Variants in ZNF609 observed in about 807,000 individuals in gnomAD.
ZNF609 encodes zinc finger protein 609.
Under a neutral mutation model 109.5 loss-of-function variants are expected in ZNF609, and 11 were observed. The observed-to-expected ratio is 0.10, with a 90% CI of 0.06 to 0.17. ZNF609 has a LOEUF of 0.17. Among genes scored for constraint, ZNF609 ranks in the 10% least tolerant of loss-of-function variants. ZNF609 has a pLI of 1.00. For synonymous variants in ZNF609, 646 were observed against 662.0 expected (o/e 0.98, Z 0.37); for missense variants, 1,559 against 1,772.4 (o/e 0.88, Z 2.16).
rs138360462 is a variant in ZNF609 at position 64,598,217 on chromosome 15, C to T, written c.748-24610C>T. Among the ~76,000 whole-genome samples, 509 of 152,194 alleles carry T rather than the reference C, an allele frequency of 3.3e-3. 5 individuals carry two copies. The highest frequency in any genetic ancestry group is 0.012 in the African/African-American group (478 of 41,526). ...GCAAACTCTGCCTCCTGGGTTCAAG[C>T]GATTCTTGTGCCTCAGCCACCCAAA... is the stretch of plus-strand genomic sequence containing the variant. On this transcript the variant is annotated intron_variant, in intron 2 of 9. Coordinates refer to ENST00000326648, the MANE Select transcript of ZNF609 (RefSeq NM_015042.2).
chr15:64,491,005 C>T (rs1402379340), intron 1 of ZNF609, among the ~76,000 whole-genome samples: 1 of 152,196 alleles, frequency 6.6e-6, no homozygotes, highest in Non-Finnish European at 1.5e-5. Flanking sequence ...GTCAGATAAG[C>T]CCTGTTGAAT....
intron 2 of ZNF609, among the ~76,000 whole-genome samples, chr15:64,598,760 A>ATATATATATATATATATATATC (rs1895442054): frequency 8.0e-6 from 1 of 124,750 alleles, no homozygotes; most frequent in African/African-American, 2.7e-5. Context: ...ATATATATAT[A>ATATATATATATATATATATATC]TATATATATA....
At chr15:64,488,810 G>A (rs111419881) in intron 1 of ZNF609, among the ~76,000 whole-genome samples, 5 of 151,922 alleles carry the variant, frequency 3.3e-5, no homozygotes, top group African/African-American at 9.7e-5. Context: ...AGAACTAGGC[G>A]TGATGTAATT....
At chr15:64,666,694 T>C (rs1316984740) in intron 3 of ZNF609, among the ~76,000 whole-genome samples, 1 of 151,904 alleles carries the variant, frequency 6.6e-6, no homozygotes, top group Non-Finnish European at 1.5e-5. Flanking sequence ...GTATTTTTAG[T>C]AGAGATGGGG....
Position 64,523,705 on chromosome 15 carries a change from G to C in ZNF609, c.747+23539G>C, listed in dbSNP as rs539569558. Among the ~76,000 whole-genome samples, 8 of 151,848 alleles carry C rather than the reference G, an allele frequency of 5.3e-5. No homozygotes were observed. The South Asian group carries it at 1.5e-3, about 28-fold the overall frequency. On this transcript the variant is annotated intron_variant, in intron 2 of 9. Coordinates refer to ENST00000326648, the MANE Select transcript of ZNF609 (RefSeq NM_015042.2). Reference sequence around the variant, plus strand: ...TTGAACCTGGGAGGCAGAGATTGAAGTGAGCAGAGATCACGCCACTGCACT... The same window carrying C: ...TTGAACCTGGGAGGCAGAGATTGAACTGAGCAGAGATCACGCCACTGCACT...
At chr15:64,631,601 C>T (rs1156338191) in intron 3 of ZNF609, 13 of 406,036 alleles carry the variant, frequency 3.2e-5, no homozygotes, top group East Asian at 1.2e-4. Context: ...GGCGCAATCT[C>T]GGCTCACCAC....
chr15:64,523,399 C>G (rs952263976), intron 2 of ZNF609, among the ~76,000 whole-genome samples: 3 of 152,070 alleles, frequency 2.0e-5, no homozygotes, highest in African/African-American at 7.2e-5. Context: ...AGAAATCAGA[C>G]CAGGATTGAC....
At position 64,577,358 on chromosome 15, in the gene ZNF609, CATATATGTATATATAT is replaced by C. The variant is rs1466059435; in HGVS notation, c.748-45467_748-45452del. Among the ~76,000 whole-genome samples the C allele has an allele frequency of 1.6e-3, 26 of 16,406 alleles. 6 individuals are homozygous for C. Among genetic ancestry groups the C allele is most frequent in the Non-Finnish European group, 2.0e-3 (8 of 4,056 alleles). 10.8% of individuals were successfully genotyped at this position (16,406 alleles called of 152,430 possible). A position where few individuals can be genotyped will look rare whatever the true frequency, so the allele number is the denominator to read the frequency against. ...ATACATATATATGTATATATATACA[CATATATGTATATATAT>C]ACACATATAAATATATACACATATA... On this transcript the variant is annotated intron_variant, in intron 2 of 9. Coordinates refer to ENST00000326648, the MANE Select transcript of ZNF609 (RefSeq NM_015042.2).
intron 2 of ZNF609, among the ~76,000 whole-genome samples, chr15:64,567,065 T>C (rs1894787673): frequency 1.3e-5 from 2 of 152,196 alleles, no homozygotes; most frequent in South Asian, 4.1e-4. Flanking sequence ...AGGAAATAGC[T>C]AAAAAGGAAC....
At chr15:64,673,827 A>G (rs1389732169) in intron 4 of ZNF609, 89 bp from the exon 5 acceptor site, 6 of 1,390,158 alleles carry the variant, frequency 4.3e-6, no homozygotes, top group Non-Finnish European at 4.9e-6. Context: ...GATAGTCACC[A>G]TCTGGACAGT....
intron 2 of ZNF609, among the ~76,000 whole-genome samples, chr15:64,587,700 C>T (rs1294826095): frequency 6.6e-6 from 1 of 152,118 alleles, no homozygotes; most frequent in African/African-American, 2.4e-5. Context: ...AGGGAATACC[C>T]TCCTTCATGA....
intron 2 of ZNF609, among the ~76,000 whole-genome samples, chr15:64,545,351 A>G (rs1000073415): frequency 1.3e-5 from 2 of 152,070 alleles, no homozygotes; most frequent in Admixed American, 6.6e-5. Context: ...GGCTCACGCT[A>G]CCATGCCCAG....
intron 2 of ZNF609, among the ~76,000 whole-genome samples, chr15:64,547,305 A>T (rs985464379): frequency 1.3e-5 from 2 of 152,172 alleles, no homozygotes; most frequent in African/African-American, 4.8e-5. Context: ...TTAGACAGTG[A>T]GAATAAGATC....
rs1596371379 is a variant in ZNF609 at position 64,460,765 on chromosome 15, C to T, written c.-201C>T. On this transcript the variant is annotated 5_prime_UTR_variant, in exon 1 of 10. Coordinates refer to ENST00000326648, the MANE Select transcript of ZNF609 (RefSeq NM_015042.2). ...CGCGGGAACGGATGGCGGCCTGGGC[C>T]CCGTAGCAGCGGCGGCTCTACGGCC... 6.6e-6 allele frequency: 1 copy of T among 152,318 alleles called. No individual in the cohort carries two copies. Among genetic ancestry groups the T allele is most frequent in the Non-Finnish European group, 1.4e-5 (1 of 69,732 alleles). The allele number at this position is 152,318 out of a possible 1,614,324, so 9.4% of individuals were successfully genotyped here.
intron 2 of ZNF609, among the ~76,000 whole-genome samples, chr15:64,520,077 C>T (rs1240862060): frequency 6.6e-6 from 1 of 152,184 alleles, no homozygotes; most frequent in Non-Finnish European, 1.5e-5. Context: ...GTACCACCTC[C>T]TCATGGCAGT....
intron 5 of ZNF609, among the ~76,000 whole-genome samples, chr15:64,677,219 A>T (rs548885610): frequency 3.9e-5 from 6 of 152,130 alleles, no homozygotes. Flanking sequence ...GCATGCCACC[A>T]CACCCAGATG....
chr15:64,680,457 G>A, intron 7 of ZNF609, 97 bp downstream of exon 7: 1 of 1,481,386 alleles, frequency 6.8e-7, no homozygotes, highest in Non-Finnish European at 9.2e-7. Flanking sequence ...CCTGACCACA[G>A]TGCAGCTTGG....
chr15:64,499,276 A>C lies in ZNF609; in HGVS notation c.-127-17A>C. On this transcript the variant is annotated splice_polypyrimidine_tract_variant and intron_variant, in intron 1 of 9. Coordinates refer to ENST00000326648, the MANE Select transcript of ZNF609 (RefSeq NM_015042.2). Reference sequence around the variant, plus strand: ...GTATTGTTTCTTTTAACAGCTTTTTAAATTTTCTTTTTCCAGCAATGATGT... The same window carrying C: ...GTATTGTTTCTTTTAACAGCTTTTTCAATTTTCTTTTTCCAGCAATGATGT... 8.9e-7 allele frequency: 1 copy of C among 1,129,886 alleles called. No individual in the cohort carries two copies. Among genetic ancestry groups the C allele is most frequent in the Non-Finnish European group, 1.2e-6 (1 of 813,328 alleles). 70.0% of individuals were successfully genotyped at this position (1,129,886 alleles called of 1,614,324 possible). A position where few individuals can be genotyped will look rare whatever the true frequency, so the allele number is the denominator to read the frequency against.
rs991375524 is a variant in ZNF609 at position 64,475,740 on chromosome 15, C to G, written c.-128+14902C>G. 2.0e-5 allele frequency among the ~76,000 whole-genome samples: 3 copies of G among 152,082 alleles called. No individual in the cohort carries two copies. In the East Asian group the frequency reaches 5.8e-4, roughly 29 times the overall value. On this transcript the variant is annotated intron_variant, in intron 1 of 9. Coordinates refer to ENST00000326648, the MANE Select transcript of ZNF609 (RefSeq NM_015042.2). ...ATTTGTGAATATATTTTCTTCATCCCTCATTTTAAGCTCGTGAGATACCTG... is the reference window on the plus strand; with the variant it reads ...ATTTGTGAATATATTTTCTTCATCCGTCATTTTAAGCTCGTGAGATACCTG...
Sources: gnomAD v4.1 joint callset for allele counts (sites outside exome capture counted in the v4.1 genomes callset) on GRCh38, gnomAD v4.1.1 for gene constraint, MANE v1.5 for transcripts, NCBI Gene and HGNC (gene_info 2026-07-23, HGNC 2026-07-21) for gene names.